PRR14L: variants seen among roughly 807,000 people sequenced by gnomAD.
PRR14L encodes the protein protein PRR14L.
PRR14L carries 80 observed loss-of-function variants against 155.0 expected under a neutral mutation model. The ratio of observed to expected loss-of-function variants is 0.52; its 90% CI spans 0.43 to 0.62. The LOEUF (loss-of-function observed/expected upper bound fraction) is 0.62, where lower values mean the gene tolerates loss of function less well. Among genes scored for constraint, PRR14L ranks in the 20% least tolerant of loss-of-function variants. The probability of loss-of-function intolerance (pLI) is 0.00; values close to 1 mark genes in which losing one functional copy is unlikely to be tolerated. For missense variants in PRR14L, 2,469 were observed against 2,548.0 expected, an observed-to-expected ratio of 0.97 and a Z score of 0.67; for synonymous variants, 883 against 916.0, an observed-to-expected ratio of 0.96 and a Z score of 0.65.
At position 31,683,247 on chromosome 22, in the gene PRR14L, C is replaced by T. The variant is rs886784074; in HGVS notation, c.*2280G>A. The T allele has an allele frequency of 6.6e-6, 1 of 152,240 alleles. No homozygotes were observed. The highest frequency in any genetic ancestry group is 2.4e-5 in the African/African-American group (1 of 41,432). 9.4% of individuals were successfully genotyped at this position (152,240 alleles called of 1,614,324 possible). On this transcript the variant is annotated 3_prime_UTR_variant, in exon 9 of 9. Transcript: ENST00000327423. ...CAGGCACAGTTGAAACTATCTCTGC[C>T]ATGTTGGTGACACTATAGCTGTGCC... is the stretch of plus-strand genomic sequence containing the variant.
At position 31,682,373 on chromosome 22, in the gene PRR14L, G is replaced by A. The variant is rs1396071866; in HGVS notation, c.*3154C>T. ...ACAGCATGGGTTTCTGGGCTCCTCA[G>A]GCTCCGAATAAGGCAAACGCTACAT... On this transcript the variant is annotated 3_prime_UTR_variant, in exon 9 of 9. Coordinates refer to ENST00000327423, the MANE Select transcript of PRR14L (RefSeq NM_173566.3). The A allele has an allele frequency of 6.7e-6, 1 of 149,808 alleles. No individual in the cohort carries two copies. The highest frequency in any genetic ancestry group is 1.5e-5 in the Non-Finnish European group (1 of 67,912). The allele number at this position is 149,808 out of a possible 1,614,324, so 9.3% of individuals were successfully genotyped here.
At chr22:31,730,573 C>A (rs1366163293) in intron 2 of PRR14L, among the ~76,000 whole-genome samples, 1 of 152,176 alleles carries the variant, frequency 6.6e-6, no homozygotes, top group African/African-American at 2.4e-5. Context: ...TGGGGGCAAA[C>A]TTCTATCACT....
intron 5 of PRR14L, 65 bp from the exon 6 acceptor site, chr22:31,703,786 T>A: frequency 3.0e-6 from 3 of 1,011,336 alleles, no homozygotes; most frequent in East Asian, 3.0e-5. Context: ...ACATTCAACT[T>A]CTTCTTCTTC....
chr22:31,704,605 G>GCACACA, intron 5 of PRR14L, 50 bp downstream of exon 5: 1 of 1,469,410 alleles, frequency 6.8e-7, no homozygotes, highest in East Asian at 2.3e-5. Flanking sequence ...TCTCTCTCTT[G>GCACACA]CACACACACA....
intron 3 of PRR14L, among the ~76,000 whole-genome samples, chr22:31,718,564 A>T (rs2074673075): frequency 6.8e-6 from 1 of 146,072 alleles, no homozygotes; most frequent in Admixed American, 6.7e-5. Flanking sequence ...TGCCCAGCTA[A>T]TTTTTTTGTA....
chr22:31,729,250 C>T (rs993386986), intron 2 of PRR14L, among the ~76,000 whole-genome samples: 17 of 152,166 alleles, frequency 1.1e-4, no homozygotes, highest in African/African-American at 3.4e-4. Flanking sequence ...CTCGCTCTGT[C>T]GCCCAGGCTG....
chr22:31,735,332 T>C (rs1461807876), intron 2 of PRR14L, among the ~76,000 whole-genome samples: 2 of 151,740 alleles, frequency 1.3e-5, no homozygotes, highest in Non-Finnish European at 2.9e-5. Context: ...TCCCAGCTAC[T>C]AGGGAGGCTG....
intron 2 of PRR14L, among the ~76,000 whole-genome samples, chr22:31,728,264 C>CT (rs545122227): frequency 6.6e-6 from 1 of 152,082 alleles, no homozygotes; most frequent in Non-Finnish European, 1.5e-5. Context: ...ATGCAATTTC[C>CT]TTTTTCTACA....
chr22:31,726,893 A>G (rs2074719194), intron 2 of PRR14L, among the ~76,000 whole-genome samples: 1 of 150,060 alleles, frequency 6.7e-6, no homozygotes, highest in South Asian at 2.1e-4. Flanking sequence ...GACTGTAGAC[A>G]CCTGTTATCC....
In PRR14L at chr22:31,712,794, C is replaced by T; in HGVS notation, c.5045G>A (p.Arg1682Lys). The change falls in exon 4 of 9, where the codon AGG becomes AAG. Residue 1682 changes from arginine (R) to lysine (K), a missense_variant. Coordinates refer to ENST00000327423, the MANE Select transcript of PRR14L (RefSeq NM_173566.3). ...AAGTGCCATGGGCTTACTGTTAGGC[C>T]TCTTATCCCATCCACTAGCTGCCAA... ...PYLAASGWDK[R>K]PNSKPMALYS... 6.4e-7 allele frequency: 1 copy of T among 1,552,038 alleles called. No individual in the cohort carries two copies. Among genetic ancestry groups the T allele is most frequent in the Non-Finnish European group, 8.7e-7 (1 of 1,147,084 alleles).
intron 3 of PRR14L, among the ~76,000 whole-genome samples, chr22:31,718,384 T>C (rs535018096): frequency 1.3e-5 from 2 of 151,902 alleles, no homozygotes; most frequent in Non-Finnish European, 2.9e-5. Flanking sequence ...GCCTCCCGAG[T>C]AGCTGGGACT....
chr22:31,694,178 G>A (rs950100613), intron 7 of PRR14L, among the ~76,000 whole-genome samples: 11 of 152,192 alleles, frequency 7.2e-5, no homozygotes, highest in Non-Finnish European at 8.8e-5. Context: ...CTGGAAGGCT[G>A]AGGGAGGAGA....
At chr22:31,699,728 C>T (rs2074553510) in intron 7 of PRR14L, among the ~76,000 whole-genome samples, 1 of 152,090 alleles carries the variant, frequency 6.6e-6, no homozygotes, top group Admixed American at 6.6e-5. Flanking sequence ...GATAAATTAA[C>T]ATATTTACTT....
chr22:31,694,679 G>A (rs2074526781), intron 7 of PRR14L, among the ~76,000 whole-genome samples: 1 of 151,532 alleles, frequency 6.6e-6, no homozygotes, highest in Admixed American at 6.6e-5. Context: ...GTGAACCCGG[G>A]AGGCAGAGCT....
chr22:31,738,757 T>C lies in PRR14L; in HGVS notation c.104A>G (p.Glu35Gly), dbSNP rs1355211888. 2 of 1,551,798 alleles carry C rather than the reference T, an allele frequency of 1.3e-6. No individual in the cohort carries two copies. The highest frequency in any genetic ancestry group is 1.7e-6 in the Non-Finnish European group (2 of 1,147,060). Residue 35 changes from glutamate (E) to glycine (G), a missense_variant, in exon 2 of 9, where the codon GAG (glutamate) becomes GGG (glycine). By Grantham distance (98) the Glu-to-Gly change is moderately conservative. This residue lies in a region of PRR14L where 2,363 missense variants were observed against 2,371.6 expected (regional missense o/e 1.00). Coordinates refer to ENST00000327423, the MANE Select transcript of PRR14L (RefSeq NM_173566.3). ...ACTTGGCTCAGGGTCAGCATGAAGC[T>C]CTCTGGAGACACTTACTGGGAGTTC... is the stretch of plus-strand genomic sequence containing the variant. Reference protein sequence around the residue: ...YSELPVSVSRELHADPEPSVI... With the variant: ...YSELPVSVSRGLHADPEPSVI...
chr22:31,708,530 T>C (rs2074603401), intron 4 of PRR14L, among the ~76,000 whole-genome samples: 1 of 152,092 alleles, frequency 6.6e-6, no homozygotes, highest in Non-Finnish European at 1.5e-5. Flanking sequence ...TTTCACCATG[T>C]TGGCTAGGCT....
intron 2 of PRR14L, among the ~76,000 whole-genome samples, chr22:31,730,606 G>C (rs1201686985): frequency 6.6e-6 from 1 of 152,106 alleles, no homozygotes; most frequent in Non-Finnish European, 1.5e-5. Context: ...ATTCTGCCAG[G>C]TTTCTCCATT....
intron 2 of PRR14L, among the ~76,000 whole-genome samples, chr22:31,735,823 C>T (rs1012243974): frequency 1.3e-5 from 2 of 151,604 alleles, no homozygotes; most frequent in Non-Finnish European, 2.9e-5. Flanking sequence ...CTGAGGTGGG[C>T]GGATCACCTG....
intron 1 of PRR14L, among the ~76,000 whole-genome samples, chr22:31,739,340 T>C (rs1333729609): frequency 1.3e-5 from 2 of 152,218 alleles, no homozygotes; most frequent in Non-Finnish European, 2.9e-5. Context: ...TCGGCAAATA[T>C]TTGTTGAATG....
Sources: gnomAD v4.1 joint callset for allele counts (sites outside exome capture counted in the v4.1 genomes callset) on GRCh38, gnomAD v4.1.1 for gene constraint, gnomAD v4.1.1 regional missense constraint, MANE v1.5 for transcripts, NCBI Gene and HGNC (gene_info 2026-07-23, HGNC 2026-07-21) for gene names.